The following GPC5 variants were observed in gnomAD, a reference collection of about 807,000 sequenced individuals.
The protein encoded by GPC5 is glypican-5.
A neutral mutation model predicts 53.9 loss-of-function variants in GPC5; 47 were observed. That is an observed-to-expected ratio of 0.87 (90% CI 0.69 to 1.11). The LOEUF is 1.11. Ranked by LOEUF, GPC5 falls within the 50% of genes most tolerant of loss-of-function variation. The pLI, the probability that GPC5 is intolerant of heterozygous loss-of-function variation, is 0.00. For synonymous variants in GPC5, 286 were observed against 263.3 expected (o/e 1.09, Z -0.84); for missense variants, 748 against 713.1 (o/e 1.05, Z -0.56).
chr13:92,191,722 G>A (rs1211702846), intron 7 of GPC5, among the ~76,000 whole-genome samples: 1 of 152,092 alleles, frequency 6.6e-6, no homozygotes, highest in Non-Finnish European at 1.5e-5. Flanking sequence ...AGACATGGGG[G>A]AATATTAAAT....
intron 7 of GPC5, among the ~76,000 whole-genome samples, chr13:92,539,657 CTCTT>C (rs1190838076): frequency 1.3e-5 from 2 of 151,726 alleles, no homozygotes; most frequent in African/African-American, 4.8e-5. Context: ...CTTTCTGTCT[CTCTT>C]TCTTTCCATC....
At chr13:91,603,596 T>C (rs1015833174) in intron 2 of GPC5, among the ~76,000 whole-genome samples, 44 of 152,222 alleles carry the variant, frequency 2.9e-4, no homozygotes, top group African/African-American at 9.4e-4. Flanking sequence ...GAAATTTGTA[T>C]GTATAGGTTA....
intron 7 of GPC5, among the ~76,000 whole-genome samples, chr13:92,599,626 G>C (rs922766718): frequency 6.6e-6 from 1 of 152,142 alleles, no homozygotes; most frequent in African/African-American, 2.4e-5. Context: ...GATGGTGGTC[G>C]GTTGGCCTTG....
At chr13:91,521,818 C>G (rs1304745142) in intron 2 of GPC5, among the ~76,000 whole-genome samples, 1 of 152,164 alleles carries the variant, frequency 6.6e-6, no homozygotes. Flanking sequence ...CTGCCTCCCT[C>G]GACTTCAGAT....
intron 5 of GPC5, among the ~76,000 whole-genome samples, chr13:91,835,885 A>T (rs1259754680): frequency 1.3e-5 from 2 of 152,130 alleles, no homozygotes; most frequent in South Asian, 2.1e-4. Flanking sequence ...AAGTAGAATA[A>T]TAAAAAAAAG....
intron 6 of GPC5, among the ~76,000 whole-genome samples, chr13:92,113,144 A>C (rs1263892043): frequency 1.3e-5 from 2 of 151,852 alleles, no homozygotes; most frequent in African/African-American, 2.4e-5. Context: ...GGATATCTTT[A>C]CTCTTTCCAG....
chr13:92,165,586 C>T (rs1384563244), intron 7 of GPC5, among the ~76,000 whole-genome samples: 1 of 152,142 alleles, frequency 6.6e-6, no homozygotes, highest in East Asian at 1.9e-4. Context: ...AGAACAAACT[C>T]ACTATCATGA....
chr13:92,519,304 C>T (rs1257568565), intron 7 of GPC5, among the ~76,000 whole-genome samples: 1 of 152,200 alleles, frequency 6.6e-6, no homozygotes, highest in Non-Finnish European at 1.5e-5. Flanking sequence ...GAACTCTCCA[C>T]CCCAAATCAA....
chr13:91,581,678 A>G (rs536071565), intron 2 of GPC5, among the ~76,000 whole-genome samples: 3 of 152,340 alleles, frequency 2.0e-5, no homozygotes, highest in Admixed American at 6.5e-5. Context: ...TGAGTCTCTT[A>G]TACTCTAAAA....
At chr13:91,929,037 G>T (rs1218541832) in intron 6 of GPC5, among the ~76,000 whole-genome samples, 1 of 152,008 alleles carries the variant, frequency 6.6e-6, no homozygotes, top group Non-Finnish European at 1.5e-5. Flanking sequence ...TCCAGAGTAG[G>T]TTTGTTTAGA....
intron 7 of GPC5, among the ~76,000 whole-genome samples, chr13:92,741,593 GTTT>G (rs1378621312): frequency 1.3e-5 from 2 of 151,704 alleles, no homozygotes; most frequent in East Asian, 3.9e-4. Context: ...AATATTTTTT[GTTT>G]TTTATTATAC....
At chr13:91,619,681 G>T (rs1347977435) in intron 2 of GPC5, among the ~76,000 whole-genome samples, 1 of 152,076 alleles carries the variant, frequency 6.6e-6, no homozygotes, top group East Asian at 1.9e-4. Context: ...ACAATGATGT[G>T]CCGATCTGTA....
intron 7 of GPC5, among the ~76,000 whole-genome samples, chr13:92,381,880 T>TAATATATATCATATATATCATATATATGA (rs1555331657): frequency 4.6e-5 from 2 of 43,014 alleles, no homozygotes; most frequent in Non-Finnish European, 1.0e-4. Context: ...ATATATATGA[T>TAATATATATCATATATATCATATATATGA]TATATATATT....
At chr13:92,412,751 C>T (rs1475898045) in intron 7 of GPC5, among the ~76,000 whole-genome samples, 1 of 152,114 alleles carries the variant, frequency 6.6e-6, no homozygotes, top group East Asian at 1.9e-4. Context: ...TTGCCAACCC[C>T]TGAGTTAAAT....
chr13:91,741,102 G>A (rs1408013539), intron 4 of GPC5, among the ~76,000 whole-genome samples: 1 of 152,098 alleles, frequency 6.6e-6, no homozygotes, highest in African/African-American at 2.4e-5. Context: ...AGTGTCCTAG[G>A]TGCTTAGTAA....
intron 6 of GPC5, among the ~76,000 whole-genome samples, chr13:91,981,396 T>C (rs992690108): frequency 6.6e-6 from 1 of 151,860 alleles, no homozygotes; most frequent in African/African-American, 2.4e-5. Context: ...TTCACGCCAT[T>C]CTCCTGCCTC....
chr13:91,940,093 G>A (rs891472683), intron 6 of GPC5, among the ~76,000 whole-genome samples: 1 of 152,064 alleles, frequency 6.6e-6, no homozygotes, highest in African/African-American at 2.4e-5. Context: ...AAACCTTCAT[G>A]GATCAACCCA....
chr13:92,256,735 T>A (rs1414248409), intron 7 of GPC5, among the ~76,000 whole-genome samples: 9 of 152,072 alleles, frequency 5.9e-5, no homozygotes, highest in African/African-American at 2.2e-4. Flanking sequence ...TGAGGTGAAT[T>A]GATTTATATT....
chr13:92,545,319 T>C (rs1882068127), intron 7 of GPC5, among the ~76,000 whole-genome samples: 1 of 152,224 alleles, frequency 6.6e-6, no homozygotes, highest in South Asian at 2.1e-4. Flanking sequence ...CAGTCTATCA[T>C]TGTTGGACAT....
Sources: gnomAD v4.1 joint callset for allele counts (sites outside exome capture counted in the v4.1 genomes callset) on GRCh38, gnomAD v4.1.1 for gene constraint, MANE v1.5 for transcripts, NCBI Gene and HGNC (gene_info 2026-07-23, HGNC 2026-07-21) for gene names.